EPHA3: variants seen among roughly 807,000 people sequenced by gnomAD.
The protein encoded by EPHA3 is ephrin type-A receptor 3.
In EPHA3, 42 loss-of-function variants were observed where a neutral mutation model predicts 107.1. The ratio of observed to expected loss-of-function variants is 0.39; its 90% CI spans 0.31 to 0.51. EPHA3 has a LOEUF of 0.51. EPHA3 is among the 20% of genes least tolerant of loss of function. EPHA3 has a pLI of 0.78. For synonymous variants in EPHA3, 461 were observed against 424.8 expected (o/e 1.09, Z -1.05); for missense variants, 1,183 against 1,211.2 (o/e 0.98, Z 0.35).
intron 5 of EPHA3, among the ~76,000 whole-genome samples, chr3:89,390,563 G>A (rs558953012): frequency 1.2e-3 from 169 of 143,632 alleles, no homozygotes; most frequent in African/African-American, 4.1e-3. Flanking sequence ...TCGTGCCACC[G>A]CACTCCAGCC....
At chr3:89,154,045 C>T (rs1173480210) in intron 2 of EPHA3, among the ~76,000 whole-genome samples, 4 of 152,078 alleles carry the variant, frequency 2.6e-5, no homozygotes, top group Non-Finnish European at 5.9e-5. Flanking sequence ...TGAGGCCCCC[C>T]GACATTTATT....
chr3:89,399,755 T>G lies in EPHA3; in HGVS notation c.1594+275T>G, dbSNP rs1375785589. Reference sequence around the variant, plus strand: ...TTTTTTTTTAGCCATAAATTGCTTTTGAGGAACATTATTTAATATAGTAAC... The same window carrying G: ...TTTTTTTTTAGCCATAAATTGCTTTGGAGGAACATTATTTAATATAGTAAC... On this transcript the variant is annotated intron_variant, in intron 7 of 16. Coordinates refer to ENST00000336596, the MANE Select transcript of EPHA3 (RefSeq NM_005233.6). 10 of 1,178,428 alleles carry G rather than the reference T, an allele frequency of 8.5e-6. 1 individual carries two copies. The East Asian group carries it at 2.8e-4, about 33-fold the overall frequency. The allele number at this position is 1,178,428 out of a possible 1,614,324, so 73.0% of individuals were successfully genotyped here.
chr3:89,403,004 A>G (rs1708995732), intron 7 of EPHA3, among the ~76,000 whole-genome samples: 1 of 152,214 alleles, frequency 6.6e-6, no homozygotes, highest in Admixed American at 6.5e-5. Context: ...TTACATAAGA[A>G]TGTCTCATTC....
chr3:89,208,423 G>GAAGGAAGGAAGGAAGGAAGAAAGAAAGA (rs74193305), intron 2 of EPHA3, among the ~76,000 whole-genome samples: 11 of 37,530 alleles, frequency 2.9e-4, no homozygotes, highest in South Asian at 1.2e-3. Flanking sequence ...AGGAAGGAAG[G>GAAGGAAGGAAGGAAGGAAGAAAGAAAGA]AAGAAAGAAA....
chr3:89,388,261 C>G (rs1708661711), intron 5 of EPHA3, among the ~76,000 whole-genome samples: 1 of 152,032 alleles, frequency 6.6e-6, no homozygotes, highest in Non-Finnish European at 1.5e-5. Flanking sequence ...TAACCAAATT[C>G]CATGGTAGAT....
chr3:89,272,749 C>A (rs562410893), intron 3 of EPHA3, among the ~76,000 whole-genome samples: 26 of 151,926 alleles, frequency 1.7e-4, no homozygotes, highest in Non-Finnish European at 3.5e-4. Flanking sequence ...ATACTCATAA[C>A]CAATCATGTT....
At chr3:89,412,974 A>C (rs1709183142) in intron 9 of EPHA3, among the ~76,000 whole-genome samples, 167 bp from the exon 10 acceptor site, 1 of 151,774 alleles carries the variant, frequency 6.6e-6, no homozygotes, top group Non-Finnish European at 1.5e-5. Flanking sequence ...AAATTTTTCA[A>C]CACAGTCCAA....
chr3:89,355,428 C>A (rs1302509449), intron 5 of EPHA3, among the ~76,000 whole-genome samples: 2 of 151,190 alleles, frequency 1.3e-5, no homozygotes, highest in East Asian at 3.9e-4. Context: ...AGCAAATATG[C>A]CTTGGGAAAA....
At chr3:89,231,917 C>G (rs1310133334) in intron 3 of EPHA3, among the ~76,000 whole-genome samples, 1 of 152,082 alleles carries the variant, frequency 6.6e-6, no homozygotes. Context: ...AGGTTATGAT[C>G]TAATAATAAT....
intron 1 of EPHA3, among the ~76,000 whole-genome samples, chr3:89,125,116 A>G (rs182788478): frequency 6.6e-6 from 1 of 151,982 alleles, no homozygotes; most frequent in African/African-American, 2.4e-5. Context: ...TAATACTGAG[A>G]TTAAACTAGT....
intron 3 of EPHA3, among the ~76,000 whole-genome samples, chr3:89,283,347 G>T (rs1319653019): frequency 6.6e-6 from 1 of 151,986 alleles, no homozygotes; most frequent in Non-Finnish European, 1.5e-5. Flanking sequence ...CATTTATCTG[G>T]TGGGGGCTGG....
chr3:89,415,870 C>A (rs1449904531), intron 10 of EPHA3, among the ~76,000 whole-genome samples: 1 of 151,456 alleles, frequency 6.6e-6, no homozygotes, highest in Non-Finnish European at 1.5e-5. Context: ...TTTGAATAGA[C>A]TTGTTTGGAT....
At chr3:89,257,047 C>A (rs1705301952) in intron 3 of EPHA3, among the ~76,000 whole-genome samples, 1 of 152,190 alleles carries the variant, frequency 6.6e-6, no homozygotes, top group Non-Finnish European at 1.5e-5. Context: ...GATAATAAAA[C>A]TGGATGTTTC....
chr3:89,481,339 A>G lies in EPHA3; in HGVS notation c.*1837A>G, dbSNP rs748632202. 3.9e-5 allele frequency: 9 copies of G among 232,072 alleles called. No homozygotes were observed. The highest frequency in any genetic ancestry group is 2.8e-4 in the Admixed American group (5 of 17,750). The allele number at this position is 232,072 out of a possible 1,614,324, so 14.4% of individuals were successfully genotyped here. On this transcript the variant is annotated 3_prime_UTR_variant, in exon 17 of 17. Transcript: ENST00000336596. ...GCTACTAGAATTCTGTATTGGATAT[A>G]TAAGAGCATGAAATTTTTAAAAATA... is the stretch of plus-strand genomic sequence containing the variant.
intron 3 of EPHA3, among the ~76,000 whole-genome samples, chr3:89,277,609 C>T (rs944926549): frequency 6.6e-6 from 1 of 151,966 alleles, no homozygotes; most frequent in Non-Finnish European, 1.5e-5. Flanking sequence ...ATACTCTGGC[C>T]TGCTTTTGTT....
intron 3 of EPHA3, among the ~76,000 whole-genome samples, chr3:89,241,886 A>G (rs1239675716): frequency 2.0e-5 from 3 of 152,194 alleles, no homozygotes. Context: ...GTTTAACTTT[A>G]TCCCCCTCTC....
intron 2 of EPHA3, among the ~76,000 whole-genome samples, chr3:89,187,873 G>T (rs1276845381): frequency 6.6e-6 from 1 of 152,032 alleles, no homozygotes; most frequent in Non-Finnish European, 1.5e-5. Context: ...TGACTTCAGT[G>T]AAATAAATGT....
chr3:89,312,094 T>C (rs1706777580), intron 3 of EPHA3, among the ~76,000 whole-genome samples: 1 of 152,078 alleles, frequency 6.6e-6, no homozygotes, highest in Non-Finnish European at 1.5e-5. Context: ...CTCAGTTTTC[T>C]ATGGTCAGCA....
intron 12 of EPHA3, among the ~76,000 whole-genome samples, chr3:89,429,909 G>T (rs555834043): frequency 6.6e-6 from 1 of 151,870 alleles, no homozygotes; most frequent in South Asian, 2.1e-4. Flanking sequence ...GATTACAGGC[G>T]CCCACCATCA....
Sources: gnomAD v4.1 joint callset for allele counts (sites outside exome capture counted in the v4.1 genomes callset) on GRCh38, gnomAD v4.1.1 for gene constraint, MANE v1.5 for transcripts, NCBI Gene and HGNC (gene_info 2026-07-23, HGNC 2026-07-21) for gene names.